The following PDE5A variants were observed in gnomAD, a reference collection of about 807,000 sequenced individuals.
PDE5A encodes the protein cGMP-specific 3',5'-cyclic phosphodiesterase.
In PDE5A, 67 loss-of-function variants were observed where a neutral mutation model predicts 110.2. That is an observed-to-expected ratio of 0.61 (90% confidence interval 0.50 to 0.75). The LOEUF (loss-of-function observed/expected upper bound fraction) is 0.75. Ranked by LOEUF, PDE5A falls within the 30% of genes least tolerant of loss-of-function variation. The pLI, the probability that PDE5A is intolerant of heterozygous loss-of-function variation, is 0.00. For synonymous variants in PDE5A, 328 were observed against 351.2 expected (o/e 0.93, Z 0.74); for missense variants, 862 against 1,045.1 (o/e 0.82, Z 2.42).
chr4:119,567,022 A>C lies in PDE5A; in HGVS notation c.903+51T>G, dbSNP rs771105534. On this transcript the variant is annotated intron_variant, in intron 4 of 20. Coordinates refer to ENST00000354960, the MANE Select transcript of PDE5A (RefSeq NM_001083.4). ...TAAACCTAGAGGTGTATATACTATA[A>C]AGAGAAAGCATCTTCCTAAATTGGC... 3 of 1,284,780 alleles carry C rather than the reference A, an allele frequency of 2.3e-6. No homozygotes were observed. In the South Asian group the frequency reaches 3.6e-5, roughly 15 times the overall value. The allele number at this position is 1,284,780 out of a possible 1,614,324, so 79.6% of individuals were successfully genotyped here. A position where few individuals can be genotyped will look rare whatever the true frequency, so the allele number is the denominator to read the frequency against.
chr4:119,502,646 G>A lies in PDE5A; in HGVS notation c.2341C>T (p.Leu781Phe). ...PWPIQQRIAELVATEFFDQGD... is the reference protein window; with the variant it reads ...PWPIQQRIAEFVATEFFDQGD... ...TGATCAAAAAATTCAGTTGCTACAA[G>A]TTCTGCTATCTGAAATAAATAACAG... Residue 781 changes from leucine (L) to phenylalanine (F), a missense_variant, in exon 19 of 21, where the codon CTT (leucine) becomes TTT (phenylalanine). Transcript: ENST00000354960. 1 of 1,600,534 alleles carries A rather than the reference G, an allele frequency of 6.2e-7. No homozygotes were observed. The highest frequency in any genetic ancestry group is 8.6e-7 in the Non-Finnish European group (1 of 1,168,524).
intron 1 of PDE5A, among the ~76,000 whole-genome samples, chr4:119,624,085 A>G (rs191645012): frequency 6.6e-6 from 1 of 152,300 alleles, no homozygotes; most frequent in African/African-American, 2.4e-5. Context: ...AGCTGGTTAT[A>G]TGGACCCTGG....
In PDE5A at chr4:119,628,546, G is replaced by T. The variant is rs1437521799; in HGVS notation, c.126C>A (p.Phe42Leu). Residue 42 changes from phenylalanine to leucine, a missense_variant, in exon 1 of 21, where the codon TTC (phenylalanine) becomes TTA (leucine). Coordinates refer to ENST00000354960, the MANE Select transcript of PDE5A (RefSeq NM_001083.4). Reference protein sequence around the residue: ...AWLDDHWDFTFSYFVRKATRE... With the variant: ...AWLDDHWDFTLSYFVRKATRE... ...TGGTGGCTTTTCTAACAAAGTATGA[G>T]AAGGTAAAGTCCCAGTGATCGTCCA... 1.3e-6 allele frequency: 2 copies of T among 1,595,056 alleles called. No homozygotes were observed. The highest frequency in any genetic ancestry group is 1.7e-5 in the Admixed American group (1 of 58,936).
chr4:119,580,373 C>T (rs1728548576), intron 3 of PDE5A, among the ~76,000 whole-genome samples: 1 of 152,186 alleles, frequency 6.6e-6, no homozygotes, highest in South Asian at 2.1e-4. Context: ...CCATTGCGAG[C>T]AAAGTCTCCA....
chr4:119,594,106 C>T (rs994649229), intron 3 of PDE5A, among the ~76,000 whole-genome samples: 2 of 152,002 alleles, frequency 1.3e-5, no homozygotes, highest in Admixed American at 6.6e-5. Context: ...CATGTCAGTA[C>T]GCGAATTATA....
chr4:119,602,525 A>G (rs1729381856), intron 2 of PDE5A, among the ~76,000 whole-genome samples: 1 of 152,220 alleles, frequency 6.6e-6, no homozygotes, highest in South Asian at 2.1e-4. Context: ...TGCCTGAAAC[A>G]TTGAACAAGC....
chr4:119,519,285 T>C (rs1726032042), intron 13 of PDE5A, 146 bp from the exon 14 acceptor site: 1 of 577,556 alleles, frequency 1.7e-6, no homozygotes, highest in South Asian at 2.6e-5. Context: ...AACCCTAGAA[T>C]CCTATTCTTC....
chr4:119,625,196 T>C (rs111905920), intron 1 of PDE5A, among the ~76,000 whole-genome samples: 353 of 152,248 alleles, frequency 2.3e-3, no homozygotes, highest in African/African-American at 8.0e-3. Context: ...GGTTTCACCA[T>C]GTTGGTCAGT....
chr4:119,570,169 A>G (rs1022751873), intron 3 of PDE5A, among the ~76,000 whole-genome samples: 13 of 152,186 alleles, frequency 8.5e-5, no homozygotes, highest in African/African-American at 2.9e-4. Flanking sequence ...CCTGAGCAAA[A>G]CTGGCATCCT....
rs748760240 is a variant in PDE5A at position 119,505,859 on chromosome 4, A to G, written c.2263T>C (p.Phe755Leu). Residue 755 changes from phenylalanine (F) to leucine (L), a missense_variant, in exon 17 of 21, where the codon TTT (phenylalanine) becomes CTT (leucine). Phe to Leu is a conservative substitution (Grantham distance 22). Transcript: ENST00000354960. ...NLEDPHQKEL[F>L]LAMLMTACDL... ...AAAGATAGTAAACCTACTTACAAAA[A>G]CAACTCCTTTTGATGAGGATCTTCC... 4 of 1,549,570 alleles carry G rather than the reference A, an allele frequency of 2.6e-6. No individual in the cohort carries two copies. Among genetic ancestry groups the G allele is most frequent in the Non-Finnish European group, 3.5e-6 (4 of 1,142,212 alleles).
intron 12 of PDE5A, among the ~76,000 whole-genome samples, chr4:119,524,433 T>G (rs2110472558): frequency 6.6e-6 from 1 of 152,040 alleles, no homozygotes; most frequent in Non-Finnish European, 1.5e-5. Flanking sequence ...GAGTAAAGTA[T>G]TATTAGGTAA....
At chr4:119,606,653 C>T in intron 2 of PDE5A, 56 bp downstream of exon 2, 1 of 1,292,190 alleles carries the variant, frequency 7.7e-7, no homozygotes, top group Non-Finnish European at 1.1e-6. Context: ...ATAGTACCCG[C>T]CCCAGCCATA....
chr4:119,509,049 T>A (rs959383463), intron 15 of PDE5A, among the ~76,000 whole-genome samples: 6 of 152,016 alleles, frequency 3.9e-5, no homozygotes, highest in African/African-American at 1.2e-4. Flanking sequence ...AAAGTTTTAG[T>A]GGAAACACAC....
chr4:119,577,125 A>T (rs76541370), intron 3 of PDE5A, among the ~76,000 whole-genome samples: 5 of 151,962 alleles, frequency 3.3e-5, no homozygotes, highest in Admixed American at 2.0e-4. Context: ...CCCCCTCCCA[A>T]GACTAAACCA....
At chr4:119,506,155 A>G (rs1222281023) in intron 16 of PDE5A, among the ~76,000 whole-genome samples, 1 of 151,854 alleles carries the variant, frequency 6.6e-6, no homozygotes, top group African/African-American at 2.4e-5. Context: ...CTAATTTTTA[A>G]CTATAGATCA....
At chr4:119,516,051 A>T (rs1380433830) in intron 14 of PDE5A, among the ~76,000 whole-genome samples, 1 of 152,206 alleles carries the variant, frequency 6.6e-6, no homozygotes, top group Non-Finnish European at 1.5e-5. Flanking sequence ...AGCCATCACC[A>T]CTATTCCAAG....
chr4:119,509,234 T>G (rs1211355236), intron 15 of PDE5A, among the ~76,000 whole-genome samples: 1 of 151,998 alleles, frequency 6.6e-6, no homozygotes, highest in Non-Finnish European at 1.5e-5. Context: ...AAACCAAGAA[T>G]TGGTTCCTCT....
At chr4:119,540,290 T>G (rs1726880915) in intron 10 of PDE5A, among the ~76,000 whole-genome samples, 1 of 152,200 alleles carries the variant, frequency 6.6e-6, no homozygotes, top group African/African-American at 2.4e-5. Flanking sequence ...AAATTTTAAG[T>G]AATTAAAAAT....
Position 119,575,710 on chromosome 4 carries a change from C to T in PDE5A, c.832-8566G>A, listed in dbSNP as rs187391602. Among the ~76,000 whole-genome samples, 38 of 152,232 alleles carry T rather than the reference C, an allele frequency of 2.5e-4. No homozygotes were observed. The East Asian group carries it at 6.6e-3, about 26-fold the overall frequency. On this transcript the variant is annotated intron_variant, in intron 3 of 20. Coordinates refer to ENST00000354960, the MANE Select transcript of PDE5A (RefSeq NM_001083.4). ...AGCACTAAATATGGAAAGGAACAAC[C>T]GGTACCAGCCACTGCAAAAACATGC...
Sources: allele counts gnomAD v4.1 joint callset (sites outside exome capture counted in the v4.1 genomes callset), GRCh38; gene constraint gnomAD v4.1.1; transcripts MANE v1.5; gene names NCBI Gene and HGNC (gene_info 2026-07-23, HGNC 2026-07-21).